PLLP: variants seen among roughly 807,000 people sequenced by gnomAD.
The protein encoded by PLLP is plasma membrane proteolipid (plasmolipin).
Under a neutral mutation model 19.7 loss-of-function variants are expected in PLLP, and 15 were observed. The ratio of observed to expected loss-of-function variants is 0.76; its 90% CI spans 0.51 to 1.17. The LOEUF (loss-of-function observed/expected upper bound fraction) is 1.17, where lower values mean the gene tolerates loss of function less well. PLLP is among the 50% of genes most tolerant of loss of function. PLLP has a pLI of 0.00. For synonymous variants in PLLP, 111 were observed against 116.3 expected (o/e 0.95, Z 0.29); for missense variants, 255 against 258.3 (o/e 0.99, Z 0.09).
At chr16:57,259,806 G>A (rs1437932128) in intron 2 of PLLP, among the ~76,000 whole-genome samples, 1 of 151,808 alleles carries the variant, frequency 6.6e-6, no homozygotes, top group Non-Finnish European at 1.5e-5. Flanking sequence ...GTGAAACCTC[G>A]TCTCCAATAA....
chr16:57,262,016 G>A lies in PLLP; in HGVS notation c.190C>T (p.Pro64Ser). 1 of 1,614,202 alleles carries A rather than the reference G, an allele frequency of 6.2e-7. No homozygotes were observed. Among genetic ancestry groups the A allele is most frequent in the African/African-American group, 1.3e-5 (1 of 75,048 alleles). Residue 64 changes from proline (P) to serine (S), a missense_variant, in exon 2 of 4, where the codon CCG becomes TCG. Coordinates refer to ENST00000219207, the MANE Select transcript of PLLP (RefSeq NM_015993.3). ...LIADTPYHLYPAYGWVMFVAV... is the reference protein window; with the variant it reads ...LIADTPYHLYSAYGWVMFVAV... ...ACGAACATCACCCAGCCATAGGCCG[G>A]ATACAGGTGGTACGGGGTGTCCGCA...
rs1314196736 is a variant in PLLP at position 57,257,043 on chromosome 16, G to A, written c.433-14C>T. ...ACACGCAAAGAACTGAAAGAGAGGT[G>A]AGAAGGGCTTAAGGACCGAGAGGGT... is the stretch of plus-strand genomic sequence containing the variant. On this transcript the variant is annotated splice_polypyrimidine_tract_variant and intron_variant, in intron 3 of 3. Coordinates refer to ENST00000219207, the MANE Select transcript of PLLP (RefSeq NM_015993.3). 6.3e-7 allele frequency: 1 copy of A among 1,579,062 alleles called. No homozygotes were observed. The highest frequency in any genetic ancestry group is 1.3e-5 in the African/African-American group (1 of 74,318).
At chr16:57,278,264 C>T (rs113180046) in intron 1 of PLLP, among the ~76,000 whole-genome samples, 8 of 152,132 alleles carry the variant, frequency 5.3e-5, no homozygotes, top group African/African-American at 1.7e-4. Context: ...GGCGTGAACC[C>T]GGGAGGCGGA....
intron 1 of PLLP, among the ~76,000 whole-genome samples, chr16:57,271,217 G>A (rs1024468009): frequency 6.6e-6 from 1 of 151,750 alleles, no homozygotes; most frequent in East Asian, 1.9e-4. Context: ...GAGCTGAGCC[G>A]CCCCTGGACC....
chr16:57,282,864 C>T (rs764141956), intron 1 of PLLP, among the ~76,000 whole-genome samples: 1 of 152,180 alleles, frequency 6.6e-6, no homozygotes, highest in South Asian at 2.1e-4. Context: ...CTCCAACAAG[C>T]CTTCCTGGTC....
At chr16:57,284,201 T>A (rs1901253126) in intron 1 of PLLP, among the ~76,000 whole-genome samples, 1 of 151,774 alleles carries the variant, frequency 6.6e-6, no homozygotes, top group Admixed American at 6.6e-5. Flanking sequence ...CACGGGGTAG[T>A]GTCGTGGTGA....
rs1322279413 is a variant in PLLP, at chr16:57,284,316, C to G, written c.135+90G>C. 3.8e-5 allele frequency: 44 copies of G among 1,172,142 alleles called. No individual in the cohort carries two copies. In the African/African-American group the frequency reaches 6.5e-4, roughly 17 times the overall value. The allele number at this position is 1,172,142 out of a possible 1,614,324, so 72.6% of individuals were successfully genotyped here. The stretch of plus-strand genomic sequence containing the variant: ...GCCCGGGTGGGGAGCGCAAGGTTCG[C>G]GAAAAATGAACGCAGCGCCGGAGTC... On this transcript the variant is annotated intron_variant, in intron 1 of 3. Coordinates refer to ENST00000219207, the MANE Select transcript of PLLP (RefSeq NM_015993.3).
chr16:57,269,058 A>G (rs2146444067), intron 1 of PLLP, among the ~76,000 whole-genome samples: 2 of 152,308 alleles, frequency 1.3e-5, no homozygotes, highest in South Asian at 4.1e-4. Context: ...AATCCAGCCC[A>G]GCCCTCAGAT....
At chr16:57,260,437 G>A (rs1233076128) in intron 2 of PLLP, among the ~76,000 whole-genome samples, 5 of 152,214 alleles carry the variant, frequency 3.3e-5, no homozygotes, top group Middle Eastern at 3.4e-3. Context: ...TCAAGGCACC[G>A]CCTCCTCGCC....
Position 57,256,863 on chromosome 16 carries a change from T to C in PLLP, c.*50A>G. The C allele has an allele frequency of 7.8e-7, 1 of 1,288,276 alleles. No individual in the cohort carries two copies. Among genetic ancestry groups the C allele is most frequent in the South Asian group, 1.2e-5 (1 of 84,192 alleles). 79.8% of individuals were successfully genotyped at this position (1,288,276 alleles called of 1,614,324 possible). ...TCAGGCTTGCAGGGTGACCCTGCTC[T>C]GTGACCCAGCGGCGGCTTCAGCCCC... On this transcript the variant is annotated 3_prime_UTR_variant, in exon 4 of 4. Transcript: ENST00000219207.
intron 3 of PLLP, among the ~76,000 whole-genome samples, chr16:57,258,103 C>T (rs2075431420): frequency 6.6e-6 from 1 of 152,152 alleles, no homozygotes; most frequent in Non-Finnish European, 1.5e-5. Flanking sequence ...TGGCAGCACA[C>T]ACCTCTAGTC....
chr16:57,281,655 C>T (rs1461835322), intron 1 of PLLP, among the ~76,000 whole-genome samples: 7 of 151,960 alleles, frequency 4.6e-5, no homozygotes, highest in Non-Finnish European at 1.0e-4. Flanking sequence ...GGACTGCAGG[C>T]ACCCACCACC....
At chr16:57,282,175 T>C (rs1322180714) in intron 1 of PLLP, among the ~76,000 whole-genome samples, 6 of 148,308 alleles carry the variant, frequency 4.0e-5, no homozygotes, top group African/African-American at 1.5e-4. Context: ...CTTACTCCAA[T>C]GCCTTCCATT....
intron 1 of PLLP, among the ~76,000 whole-genome samples, chr16:57,267,089 C>G (rs1022049173): frequency 5.9e-5 from 9 of 152,122 alleles, no homozygotes; most frequent in Admixed American, 2.0e-4. Flanking sequence ...GCAGTGAAAC[C>G]CTGTTATTAC....
chr16:57,267,863 GAA>G (rs2075462443), intron 1 of PLLP, among the ~76,000 whole-genome samples: 1 of 129,234 alleles, frequency 7.7e-6, no homozygotes, highest in Non-Finnish European at 1.6e-5. Flanking sequence ...CAACAAGAGC[GAA>G]ACTCCGTCTC....
rs2075427189 is a variant in PLLP at position 57,256,823 on chromosome 16, CA to C, written c.*89del. On this transcript the variant is annotated 3_prime_UTR_variant, in exon 4 of 4. Transcript: ENST00000219207. Reference sequence around the variant, plus strand: ...CAGTCCCTGTTGGGCTGACTCCACGCAGGGCTCCCCAGCTTCAGGCTTGCAG... The same window carrying C: ...CAGTCCCTGTTGGGCTGACTCCACGCGGGCTCCCCAGCTTCAGGCTTGCAG... 2 of 838,206 alleles carry C rather than the reference CA, an allele frequency of 2.4e-6. No individual in the cohort carries two copies. The highest frequency in any genetic ancestry group is 4.0e-6 in the Non-Finnish European group (2 of 501,966). The allele number at this position is 838,206 out of a possible 1,614,324, so 51.9% of individuals were successfully genotyped here. A position where few individuals can be genotyped will look rare whatever the true frequency, so the allele number is the denominator to read the frequency against.
At chr16:57,259,992 A>G (rs1191812587) in intron 2 of PLLP, among the ~76,000 whole-genome samples, 1 of 151,966 alleles carries the variant, frequency 6.6e-6, no homozygotes, top group African/African-American at 2.4e-5. Context: ...AAAAAAAAAA[A>G]AACTTAGGAT....
chr16:57,280,529 C>T (rs759379403), intron 1 of PLLP, among the ~76,000 whole-genome samples: 1 of 152,114 alleles, frequency 6.6e-6, no homozygotes, highest in African/African-American at 2.4e-5. Flanking sequence ...GTAGATCAAA[C>T]TTGCCTGCCT....
chr16:57,258,608 T>G (rs906152627), intron 2 of PLLP, 24 bp from the exon 3 acceptor site: 3 of 1,608,866 alleles, frequency 1.9e-6, no homozygotes, highest in Non-Finnish European at 2.5e-6. Flanking sequence ...GGGTAGGGAG[T>G]GGGGAGAGAA....
Sources: allele counts gnomAD v4.1 joint callset (sites outside exome capture counted in the v4.1 genomes callset), GRCh38; gene constraint gnomAD v4.1.1; transcripts MANE v1.5; gene names NCBI Gene and HGNC (gene_info 2026-07-23, HGNC 2026-07-21).